The following CSGALNACT1 variants were observed in gnomAD, a reference collection of about 807,000 sequenced individuals.
The protein encoded by CSGALNACT1 is beta4GalNAcT-1.
In CSGALNACT1, 52 loss-of-function variants were observed where a neutral mutation model predicts 51.0. The ratio of observed to expected loss-of-function variants is 1.02; its 90% CI spans 0.82 to 1.29. CSGALNACT1 has a LOEUF of 1.29. Among genes scored for constraint, CSGALNACT1 ranks in the 50% most tolerant of loss-of-function variants. CSGALNACT1 has a pLI of 0.00. For synonymous variants in CSGALNACT1, 341 were observed against 254.4 expected, an observed-to-expected ratio of 1.34 and a Z score of -3.24; for missense variants, 935 against 679.2, an observed-to-expected ratio of 1.38 and a Z score of -4.19.
intron 1 of CSGALNACT1, among the ~76,000 whole-genome samples, chr8:19,679,430 C>G (rs1298056655): frequency 6.6e-6 from 1 of 152,020 alleles, no homozygotes; most frequent in Admixed American, 6.5e-5. Context: ...GTACTCCAGC[C>G]TGGGCAACAG....
chr8:19,740,310 G>T (rs1214538150), intron 1 of CSGALNACT1, among the ~76,000 whole-genome samples: 1 of 152,176 alleles, frequency 6.6e-6, no homozygotes, highest in African/African-American at 2.4e-5. Flanking sequence ...TCACATGACA[G>T]CCTGCCACAC....
intron 6 of CSGALNACT1, among the ~76,000 whole-genome samples, chr8:19,428,407 A>T (rs1366665148): frequency 6.6e-6 from 1 of 152,122 alleles, no homozygotes; most frequent in African/African-American, 2.4e-5. Context: ...GAACCAAGCA[A>T]AAGAGATCTC....
At chr8:19,610,960 C>T (rs543578981) in intron 1 of CSGALNACT1, among the ~76,000 whole-genome samples, 89 of 152,300 alleles carry the variant, frequency 5.8e-4, no homozygotes, top group African/African-American at 2.1e-3. Context: ...AGACGTGGGG[C>T]GGGAGCCCCG....
At chr8:19,611,667 A>G (rs567224942) in intron 1 of CSGALNACT1, among the ~76,000 whole-genome samples, 244 of 152,342 alleles carry the variant, frequency 1.6e-3, no homozygotes, top group African/African-American at 4.9e-3. Flanking sequence ...CCTCTTCTTC[A>G]TGAACAGGAT....
intron 3 of CSGALNACT1, among the ~76,000 whole-genome samples, chr8:19,553,663 T>C (rs533930070): frequency 1.4e-4 from 14 of 100,382 alleles, no homozygotes; most frequent in Admixed American, 6.4e-4. Context: ...GCCTTTCTAT[T>C]ACTTCTTATG....
At chr8:19,673,891 C>T (rs574288568) in intron 1 of CSGALNACT1, among the ~76,000 whole-genome samples, 3 of 152,174 alleles carry the variant, frequency 2.0e-5, no homozygotes, top group Non-Finnish European at 4.4e-5. Flanking sequence ...CTATCCTGTG[C>T]CAGGCACTAT....
chr8:19,558,668 T>C (rs746551123), intron 3 of CSGALNACT1, among the ~76,000 whole-genome samples: 12 of 152,202 alleles, frequency 7.9e-5, no homozygotes, highest in Non-Finnish European at 1.5e-4. Flanking sequence ...GAAAATGCAC[T>C]ACTCAACTAC....
intron 1 of CSGALNACT1, among the ~76,000 whole-genome samples, chr8:19,633,350 C>A (rs533500662): frequency 2.0e-5 from 3 of 152,112 alleles, no homozygotes; most frequent in African/African-American, 7.2e-5. Context: ...ACCCACACTA[C>A]AGACATAAAG....
intron 5 of CSGALNACT1, among the ~76,000 whole-genome samples, chr8:19,450,715 G>T (rs2063027334): frequency 6.6e-6 from 1 of 152,068 alleles, no homozygotes; most frequent in African/African-American, 2.4e-5. Context: ...TCAGGAGTTT[G>T]AAACCAGCCT....
intron 3 of CSGALNACT1, among the ~76,000 whole-genome samples, chr8:19,558,374 G>A (rs1260602271): frequency 1.3e-5 from 2 of 152,108 alleles, no homozygotes; most frequent in African/African-American, 4.8e-5. Flanking sequence ...CTGGAACTTG[G>A]CTCTTTGCCC....
Position 19,418,727 on chromosome 8 carries a change from G to C in CSGALNACT1, c.1156C>G (p.Leu386Val), listed in dbSNP as rs148049722. Residue 386 changes from leucine (L) to valine (V), a missense_variant, in exon 8 of 10, where the codon CTT (leucine) becomes GTT (valine). Leu to Val is a conservative substitution (Grantham distance 32). Coordinates refer to ENST00000454498, the Ensembl canonical transcript of CSGALNACT1. ...ATGCCAGGATTGTACTGACTGAAAAGAACTGGATAAAATACCTTCTTCCCT... is the reference window on the plus strand; with the variant it reads ...ATGCCAGGATTGTACTGACTGAAAACAACTGGATAAAATACCTTCTTCCCT... 7 of 1,612,582 alleles carry C rather than the reference G, an allele frequency of 4.3e-6. No homozygotes were observed. The highest frequency in any genetic ancestry group is 5.9e-6 in the Non-Finnish European group (7 of 1,178,546).
chr8:19,604,593 T>C (rs149226180), upstream of CSGALNACT1, among the ~76,000 whole-genome samples: 32 of 152,096 alleles, frequency 2.1e-4, no homozygotes, highest in East Asian at 6.2e-3. Flanking sequence ...GACTTAGCCT[T>C]CATGTATGAT....
chr8:19,533,959 G>C (rs1290374808), intron 3 of CSGALNACT1, among the ~76,000 whole-genome samples: 1 of 151,980 alleles, frequency 6.6e-6, no homozygotes, highest in African/African-American at 2.4e-5. Context: ...AGATTTTTTG[G>C]CATGTCTCTC....
chr8:19,672,347 A>G (rs2059859340), intron 1 of CSGALNACT1, among the ~76,000 whole-genome samples: 1 of 152,140 alleles, frequency 6.6e-6, no homozygotes, highest in Non-Finnish European at 1.5e-5. Context: ...ATAAATGAAC[A>G]AAAAAAATTG....
At chr8:19,446,383 A>C (rs1056977344) in intron 5 of CSGALNACT1, among the ~76,000 whole-genome samples, 1 of 152,132 alleles carries the variant, frequency 6.6e-6, no homozygotes, top group African/African-American at 2.4e-5. Flanking sequence ...GAATCTCAGG[A>C]AACTCCAACT....
chr8:19,534,758 C>T (rs542661494), intron 3 of CSGALNACT1, among the ~76,000 whole-genome samples: 14 of 152,146 alleles, frequency 9.2e-5, no homozygotes, highest in African/African-American at 3.4e-4. Context: ...TTTAAAGAGG[C>T]GTAAAAATGC....
intron 4 of CSGALNACT1, among the ~76,000 whole-genome samples, chr8:19,491,818 A>G (rs1382483316): frequency 6.6e-6 from 1 of 152,230 alleles, no homozygotes. Context: ...GATTTCTAAT[A>G]AATTCGGTAC....
At chr8:19,405,076 A>T (rs747914570) in exon 10 of CSGALNACT1, 2 of 453,684 alleles carry the variant, frequency 4.4e-6, no homozygotes, top group Non-Finnish European at 8.8e-6. Flanking sequence ...AATGTAGGCC[A>T]ACTTGTGCTC....
intron 1 of CSGALNACT1, among the ~76,000 whole-genome samples, chr8:19,709,139 G>T (rs549566684): frequency 6.6e-6 from 1 of 152,170 alleles, no homozygotes; most frequent in South Asian, 2.1e-4. Context: ...ATTCAAGAAC[G>T]AGCTGCCAGC....
Sources: gnomAD v4.1 joint callset for allele counts (sites outside exome capture counted in the v4.1 genomes callset) on GRCh38, gnomAD v4.1.1 for gene constraint, MANE v1.5 for transcripts, NCBI Gene and HGNC (gene_info 2026-07-23, HGNC 2026-07-21) for gene names.